The following GPC6 variants were observed in gnomAD, a reference collection of about 807,000 sequenced individuals.
GPC6 encodes the protein glypican 6, also known as glypican-6.
In GPC6, 14 loss-of-function variants were observed where a neutral mutation model predicts 55.2. The observed-to-expected ratio is 0.25, with a 90% confidence interval of 0.17 to 0.40. The LOEUF (loss-of-function observed/expected upper bound fraction) is 0.40. Among genes scored for constraint, GPC6 ranks in the 10% least tolerant of loss-of-function variants. The pLI, the probability that GPC6 is intolerant of heterozygous loss-of-function variation, is 1.00. For synonymous variants in GPC6, 278 were observed against 259.6 expected, an observed-to-expected ratio of 1.07 and a Z score of -0.68; for missense variants, 641 against 708.5, an observed-to-expected ratio of 0.90 and a Z score of 1.08.
chr13:93,902,934 A>G (rs977695675), intron 3 of GPC6, among the ~76,000 whole-genome samples: 2 of 152,180 alleles, frequency 1.3e-5, no homozygotes, highest in Non-Finnish European at 2.9e-5. Context: ...CCATGCACTT[A>G]TAGCCTACTG....
chr13:93,330,062 A>G (rs2139135201), intron 1 of GPC6, among the ~76,000 whole-genome samples: 1 of 152,334 alleles, frequency 6.6e-6, no homozygotes, highest in Non-Finnish European at 1.5e-5. Context: ...GCATAAACAT[A>G]AAGGAAGAGA....
chr13:93,417,948 C>T (rs1341353956), intron 1 of GPC6, among the ~76,000 whole-genome samples: 5 of 152,024 alleles, frequency 3.3e-5, no homozygotes, highest in African/African-American at 9.7e-5. Context: ...TCACTTCTAC[C>T]TGCTGAATTA....
chr13:94,014,132 G>A (rs1882362130), intron 3 of GPC6, among the ~76,000 whole-genome samples: 1 of 152,116 alleles, frequency 6.6e-6, no homozygotes, highest in South Asian at 2.1e-4. Context: ...GTACAAGATG[G>A]AGAAAAGATA....
intron 4 of GPC6, among the ~76,000 whole-genome samples, chr13:94,199,372 G>A (rs922084250): frequency 2.6e-5 from 4 of 152,180 alleles, no homozygotes; most frequent in African/African-American, 7.2e-5. Flanking sequence ...TCTACATCCT[G>A]GAATTGTATG....
chr13:94,114,096 CAAAAAAAA>C (rs10581935), intron 4 of GPC6, among the ~76,000 whole-genome samples: 18 of 34,380 alleles, frequency 5.2e-4, no homozygotes, highest in African/African-American at 1.6e-3. Flanking sequence ...TTAGCTTTAT[CAAAAAAAA>C]AAAAAAAAAA....
chr13:93,218,017 G>T, the GPC6 span, among the ~76,000 whole-genome samples: 1 of 151,850 alleles, frequency 6.6e-6, no homozygotes, highest in African/African-American at 2.4e-5. Context: ...AAATCCAAAG[G>T]CACATCGCCG....
At chr13:94,244,493 G>A (rs1891142296) in intron 4 of GPC6, among the ~76,000 whole-genome samples, 2 of 152,202 alleles carry the variant, frequency 1.3e-5, no homozygotes, top group South Asian at 4.1e-4. Context: ...TATGCAAGGA[G>A]AGGAAATAAG....
At chr13:93,838,497 G>T (rs1887825524) in intron 3 of GPC6, among the ~76,000 whole-genome samples, 1 of 152,154 alleles carries the variant, frequency 6.6e-6, no homozygotes, top group African/African-American at 2.4e-5. Flanking sequence ...AAGTAGATTT[G>T]AACCATATCA....
chr13:93,702,700 C>G (rs1882714483), intron 2 of GPC6, among the ~76,000 whole-genome samples: 1 of 152,000 alleles, frequency 6.6e-6, no homozygotes, highest in African/African-American at 2.4e-5. Context: ...TCCTCCATGA[C>G]CACTTGCTGC....
At chr13:93,760,488 A>G (rs924181045) in intron 2 of GPC6, among the ~76,000 whole-genome samples, 2 of 152,162 alleles carry the variant, frequency 1.3e-5, no homozygotes, top group African/African-American at 4.8e-5. Flanking sequence ...TCCTCAGGCA[A>G]CTTCAAGCTT....
chr13:94,254,491 C>T (rs1891447284), intron 4 of GPC6, among the ~76,000 whole-genome samples: 1 of 151,964 alleles, frequency 6.6e-6, no homozygotes, highest in African/African-American at 2.4e-5. Context: ...ATAGAATAAA[C>T]CACACGCACC....
intron 4 of GPC6, among the ~76,000 whole-genome samples, chr13:94,038,054 G>C (rs12583073): frequency 4.6e-5 from 7 of 151,812 alleles, no homozygotes; most frequent in Non-Finnish European, 7.4e-5. Context: ...GTGTGCCTTA[G>C]AAACTAAATT....
intron 2 of GPC6, among the ~76,000 whole-genome samples, chr13:93,793,566 G>A (rs1160694306): frequency 6.6e-6 from 1 of 152,014 alleles, no homozygotes. Context: ...CTGAGGGCTA[G>A]TGCACAAAGA....
At chr13:93,324,259 T>C (rs1307924714) in intron 1 of GPC6, among the ~76,000 whole-genome samples, 1 of 151,944 alleles carries the variant, frequency 6.6e-6, no homozygotes, top group African/African-American at 2.4e-5. Flanking sequence ...ATTGAACTCA[T>C]GGAGATAGAG....
chr13:93,785,610 T>C (rs1885795151), intron 2 of GPC6, among the ~76,000 whole-genome samples: 1 of 152,210 alleles, frequency 6.6e-6, no homozygotes, highest in Non-Finnish European at 1.5e-5. Flanking sequence ...CAGTTTGCTA[T>C]GGCCATTGTT....
At chr13:93,545,489 T>G (rs1242146912) in intron 2 of GPC6, 68 bp downstream of exon 2, 1 of 1,310,802 alleles carries the variant, frequency 7.6e-7, no homozygotes, top group Non-Finnish European at 1.1e-6. Flanking sequence ...TGGTATCATA[T>G]GAAAAATATT....
intron 3 of GPC6, among the ~76,000 whole-genome samples, chr13:94,007,130 C>T (rs899469243): frequency 6.6e-6 from 1 of 152,204 alleles, no homozygotes; most frequent in African/African-American, 2.4e-5. Context: ...CACCTTCCTT[C>T]AGATTCCTGA....
At chr13:94,044,780 A>T (rs562713044) in intron 4 of GPC6, among the ~76,000 whole-genome samples, 1 of 151,862 alleles carries the variant, frequency 6.6e-6, no homozygotes, top group Non-Finnish European at 1.5e-5. Context: ...AGAATCTCAT[A>T]AGACAAGGTG....
chr13:93,551,088 A>G (rs2139441900), intron 2 of GPC6, among the ~76,000 whole-genome samples: 1 of 152,296 alleles, frequency 6.6e-6, no homozygotes, highest in East Asian at 1.9e-4. Context: ...TATTCAAAGA[A>G]TGTCTTAAGA....
Sources: gnomAD v4.1 joint callset for allele counts (sites outside exome capture counted in the v4.1 genomes callset) on GRCh38, gnomAD v4.1.1 for gene constraint, MANE v1.5 for transcripts, NCBI Gene and HGNC (gene_info 2026-07-23, HGNC 2026-07-21) for gene names.